The following DCDC2 variants were observed in gnomAD, a reference collection of about 807,000 sequenced individuals.
DCDC2 encodes doublecortin domain containing 2, also known as doublecortin domain-containing protein 2.
A neutral mutation model predicts 50.2 loss-of-function variants in DCDC2; 40 were observed. The observed-to-expected ratio is 0.80, with a 90% CI of 0.62 to 1.04. The LOEUF is 1.04. Among genes scored for constraint, DCDC2 ranks in the 50% least tolerant of loss-of-function variants. The pLI is 0.00. For missense variants in DCDC2, 570 were observed against 581.9 expected, an observed-to-expected ratio of 0.98 and a Z score of 0.21; for synonymous variants, 234 against 210.6, an observed-to-expected ratio of 1.11 and a Z score of -0.96.
chr6:24,238,355 G>C (rs1762498100), intron 7 of DCDC2, among the ~76,000 whole-genome samples: 1 of 150,742 alleles, frequency 6.6e-6, no homozygotes. Context: ...CTGGAGTGTG[G>C]TGGCACGATC....
At chr6:24,334,497 AATC>A (rs1442587954) in intron 2 of DCDC2, among the ~76,000 whole-genome samples, 1 of 152,184 alleles carries the variant, frequency 6.6e-6, no homozygotes, top group African/African-American at 2.4e-5. Context: ...TTCACTCACA[AATC>A]ATCAATAGCT....
intron 7 of DCDC2, among the ~76,000 whole-genome samples, chr6:24,232,945 G>A (rs1762368334): frequency 6.6e-6 from 1 of 152,082 alleles, no homozygotes; most frequent in African/African-American, 2.4e-5. Context: ...AAACAACCTG[G>A]GTAAAAACAT....
At chr6:24,266,720 G>A (rs1336066632) in intron 7 of DCDC2, among the ~76,000 whole-genome samples, 1 of 152,158 alleles carries the variant, frequency 6.6e-6, no homozygotes, top group Non-Finnish European at 1.5e-5. Context: ...TGATGGGAAT[G>A]TAAATTAGCA....
chr6:24,355,391 G>T (rs537223882), intron 1 of DCDC2, among the ~76,000 whole-genome samples: 6 of 151,942 alleles, frequency 3.9e-5, no homozygotes, highest in Non-Finnish European at 8.8e-5. Flanking sequence ...TCATTTCCAC[G>T]AAATTGCTTT....
intron 7 of DCDC2, among the ~76,000 whole-genome samples, chr6:24,270,008 GAAAC>G (rs1391353712): frequency 5.3e-5 from 8 of 151,762 alleles, no homozygotes; most frequent in Admixed American, 5.3e-4. Context: ...AGTAGAAGAA[GAAAC>G]AAACAGGAAC....
At chr6:24,312,525 ATAAC>A (rs1759591765) in intron 2 of DCDC2, among the ~76,000 whole-genome samples, 1 of 152,202 alleles carries the variant, frequency 6.6e-6, no homozygotes, top group South Asian at 2.1e-4. Context: ...GTCTTTAATT[ATAAC>A]GAACAAGCTG....
At chr6:24,242,417 G>T (rs1449857268) in intron 7 of DCDC2, among the ~76,000 whole-genome samples, 3 of 152,030 alleles carry the variant, frequency 2.0e-5, no homozygotes, top group Non-Finnish European at 4.4e-5. Context: ...TAGGTTCCCT[G>T]CCTGAAACAT....
At chr6:24,364,336 G>T in the DCDC2 span, among the ~76,000 whole-genome samples, 1 of 152,156 alleles carries the variant, frequency 6.6e-6, no homozygotes, top group South Asian at 2.1e-4. Flanking sequence ...TCAAAGGCAT[G>T]AGCATAACAT....
Position 24,302,527 on chromosome 6 carries a change from A to G in DCDC2, c.349-483T>C, listed in dbSNP as rs181315864. Among the ~76,000 whole-genome samples, 233 of 152,006 alleles carry G rather than the reference A, an allele frequency of 1.5e-3. 1 individual carries two copies. The highest frequency in any genetic ancestry group is 2.6e-3 in the Non-Finnish European group (176 of 67,984). ...ACCCCACCCTTTTCTCTTAAGACTG[A>G]CACAAGCAATTTTTCCCAGGTTTCA... On this transcript the variant is annotated intron_variant, in intron 2 of 9. Transcript: ENST00000378454.
Position 24,205,239 on chromosome 6 carries a change from C to T in DCDC2, c.923-137G>A, listed in dbSNP as rs1761688144. 4 of 1,584,720 alleles carry T rather than the reference C, an allele frequency of 2.5e-6. No individual in the cohort carries two copies. The African/African-American group carries it at 5.4e-5, about 21-fold the overall frequency. On this transcript the variant is annotated intron_variant, in intron 7 of 9. Transcript: ENST00000378454. ...TAGTTGATAGTATTTTTGTGCACCC[C>T]CTCCTCCGACCACCACACCACCCCC...
intron 2 of DCDC2, among the ~76,000 whole-genome samples, chr6:24,351,113 A>C (rs1020743061): frequency 1.3e-5 from 2 of 152,242 alleles, no homozygotes; most frequent in Non-Finnish European, 1.5e-5. Context: ...CATAGAATTC[A>C]GAGTCAAAGT....
At chr6:24,235,318 CCT>C (rs1379438131) in intron 7 of DCDC2, among the ~76,000 whole-genome samples, 1 of 152,174 alleles carries the variant, frequency 6.6e-6, no homozygotes, top group Non-Finnish European at 1.5e-5. Flanking sequence ...CAGGAAAGAT[CCT>C]CTTTTACTTA....
At chr6:24,332,002 G>A (rs896303990) in intron 2 of DCDC2, among the ~76,000 whole-genome samples, 1 of 152,154 alleles carries the variant, frequency 6.6e-6, no homozygotes, top group Non-Finnish European at 1.5e-5. Flanking sequence ...TAAAAAATAA[G>A]AGATTTGGAA....
chr6:24,345,271 C>T (rs1040546410), intron 2 of DCDC2, among the ~76,000 whole-genome samples: 5 of 152,084 alleles, frequency 3.3e-5, no homozygotes, highest in Non-Finnish European at 5.9e-5. Flanking sequence ...AATCCCGTTC[C>T]CAACCAAAGC....
At chr6:24,288,606 G>A (rs1763668696) in intron 6 of DCDC2, among the ~76,000 whole-genome samples, 1 of 152,158 alleles carries the variant, frequency 6.6e-6, no homozygotes, top group African/African-American at 2.4e-5. Flanking sequence ...AAGATTTTAA[G>A]TGCAATATAA....
chr6:24,239,803 G>A (rs887304065), intron 7 of DCDC2, among the ~76,000 whole-genome samples: 2 of 152,170 alleles, frequency 1.3e-5, no homozygotes, highest in Non-Finnish European at 2.9e-5. Context: ...AAAGAATTTT[G>A]TGGGTGTCTG....
At chr6:24,358,896 T>TAA (rs1561788459), upstream of DCDC2, among the ~76,000 whole-genome samples, 564 of 24,516 alleles carry the variant, frequency 0.023, 40 homozygotes, top group African/African-American at 0.12. Context: ...TATTTATATA[T>TAA]ATAATATATT....
intron 7 of DCDC2, among the ~76,000 whole-genome samples, chr6:24,255,618 A>G (rs2113802030): frequency 6.6e-6 from 1 of 152,280 alleles, no homozygotes; most frequent in Non-Finnish European, 1.5e-5. Flanking sequence ...CAACAGAAAA[A>G]TGGACATGAG....
intron 2 of DCDC2, among the ~76,000 whole-genome samples, chr6:24,345,064 A>G (rs1337786617): frequency 6.6e-6 from 1 of 152,218 alleles, no homozygotes; most frequent in Non-Finnish European, 1.5e-5. Context: ...CATAATCTGG[A>G]AAGTTTTCCT....
Sources: gnomAD v4.1 joint callset for allele counts (sites outside exome capture counted in the v4.1 genomes callset) on GRCh38, gnomAD v4.1.1 for gene constraint, MANE v1.5 for transcripts, NCBI Gene and HGNC (gene_info 2026-07-23, HGNC 2026-07-21) for gene names.